HELLS: variants seen among roughly 807,000 people sequenced by gnomAD.
The protein encoded by HELLS is helicase, lymphoid specific.
A neutral mutation model predicts 120.0 loss-of-function variants in HELLS; 32 were observed. That is an observed-to-expected ratio of 0.27 (90% confidence interval 0.20 to 0.36). The LOEUF (loss-of-function observed/expected upper bound fraction) is 0.36, where lower values mean the gene tolerates loss of function less well. Among genes scored for constraint, HELLS ranks in the 10% least tolerant of loss-of-function variants. HELLS has a pLI of 1.00. For missense variants in HELLS, 650 were observed against 993.4 expected (o/e 0.65, Z 4.65); for synonymous variants, 341 against 323.4 (o/e 1.05, Z -0.58).
chr10:94,612,671 A>T (rs112794192), exon 10 of HELLS: 4,916 of 152,390 alleles, frequency 0.032, 114 homozygotes, highest in Middle Eastern at 0.14. Flanking sequence ...CATGCCTGTA[A>T]TCCCAGCATT....
chr10:94,582,177 G>A (rs1844902032), intron 11 of HELLS, among the ~76,000 whole-genome samples: 1 of 152,156 alleles, frequency 6.6e-6, no homozygotes, highest in African/African-American at 2.4e-5. Context: ...AGCTAATTGG[G>A]TGTGGAAAAA....
intron 12 of HELLS, among the ~76,000 whole-genome samples, chr10:94,586,095 T>C (rs1269267640): frequency 2.6e-5 from 4 of 151,940 alleles, no homozygotes; most frequent in Non-Finnish European, 5.9e-5. Context: ...CTTACAGACA[T>C]GGACATGTTT....
chr10:94,545,820 G>A lies in HELLS; in HGVS notation c.-102G>A. 18 of 1,335,344 alleles carry A rather than the reference G, an allele frequency of 1.3e-5. No homozygotes were observed. The highest frequency in any genetic ancestry group is 1.8e-5 in the Non-Finnish European group (17 of 949,620). 82.7% of individuals were successfully genotyped at this position (1,335,344 alleles called of 1,614,324 possible). ...AAGCGCGCTTTTTTCCCTGGCGGGGGATTTGGCTAGAAGGCTGGGCCGGCA... is the reference window on the plus strand; with the variant it reads ...AAGCGCGCTTTTTTCCCTGGCGGGGAATTTGGCTAGAAGGCTGGGCCGGCA... On this transcript the variant is annotated 5_prime_UTR_variant, in exon 1 of 22. Coordinates refer to ENST00000348459, the MANE Select transcript of HELLS (RefSeq NM_018063.5).
intron 9 of HELLS, among the ~76,000 whole-genome samples, chr10:94,575,883 C>T (rs1185547621): frequency 8.6e-5 from 13 of 151,580 alleles, no homozygotes; most frequent in African/African-American, 1.7e-4. Context: ...GTGCAACCTC[C>T]GCCTCCCGGG....
chr10:94,590,015 A>G (rs1377487050), intron 13 of HELLS, among the ~76,000 whole-genome samples: 1 of 152,100 alleles, frequency 6.6e-6, no homozygotes, highest in African/African-American at 2.4e-5. Flanking sequence ...ATTAATTATA[A>G]TTAAAGGAAG....
At chr10:94,575,876 C>T (rs545501061) in intron 9 of HELLS, among the ~76,000 whole-genome samples, 22 of 151,416 alleles carry the variant, frequency 1.5e-4, no homozygotes, top group African/African-American at 4.8e-4. Flanking sequence ...CGGCTCAGTG[C>T]AACCTCCGCC....
chr10:94,580,147 ATATATAT>A (rs1196526336), intron 10 of HELLS, among the ~76,000 whole-genome samples: 23 of 74,820 alleles, frequency 3.1e-4, no homozygotes, highest in African/African-American at 8.8e-4. Flanking sequence ...ATATATATAT[ATATATAT>A]ATATATATAC....
intron 6 of HELLS, among the ~76,000 whole-genome samples, chr10:94,564,183 T>G (rs977708300): frequency 4.6e-5 from 7 of 152,204 alleles, no homozygotes; most frequent in Non-Finnish European, 8.8e-5. Context: ...CTTGTGCTTG[T>G]TAAGTACCTA....
Position 94,588,404 on chromosome 10 carries a change from G to A in HELLS, c.1488+14G>A, listed in dbSNP as rs111813000. 5.3e-4 allele frequency: 818 copies of A among 1,528,990 alleles called. 2 individuals are homozygous for A. In the African/African-American group the frequency reaches 0.01, roughly 19 times the overall value. The allele number at this position is 1,528,990 out of a possible 1,614,324, so 94.7% of individuals were successfully genotyped here. ...GGATCCAGTGAGGTATAGTGGTTTTGAAATGTACTGTAAATGAAACTTGAC... is the reference window on the plus strand; with the variant it reads ...GGATCCAGTGAGGTATAGTGGTTTTAAAATGTACTGTAAATGAAACTTGAC... On this transcript the variant is annotated intron_variant, in intron 13 of 21. Coordinates refer to ENST00000348459, the MANE Select transcript of HELLS (RefSeq NM_018063.5).
intron 2 of HELLS, among the ~76,000 whole-genome samples, chr10:94,552,761 T>C (rs1009625769): frequency 3.3e-5 from 5 of 152,050 alleles, no homozygotes; most frequent in African/African-American, 1.2e-4. Flanking sequence ...CTCTTGAGTT[T>C]AGGAGTTGGA....
At chr10:94,573,082 C>T (rs1019357806) in intron 7 of HELLS, among the ~76,000 whole-genome samples, 4 of 152,132 alleles carry the variant, frequency 2.6e-5, no homozygotes, top group African/African-American at 9.7e-5. Flanking sequence ...GCCTCAGCCT[C>T]CCAAGTAGCT....
chr10:94,576,855 C>T, intron 10 of HELLS, 50 bp downstream of exon 10: 3 of 1,472,870 alleles, frequency 2.0e-6, no homozygotes, highest in African/African-American at 1.4e-5. Context: ...ACATGCTTTT[C>T]TTCATTTATA....
chr10:94,574,900 A>T (rs1445315077), intron 9 of HELLS, among the ~76,000 whole-genome samples, 164 bp downstream of exon 9: 1 of 152,182 alleles, frequency 6.6e-6, no homozygotes, highest in Non-Finnish European at 1.5e-5. Context: ...ATTTAAATTT[A>T]TATAGTATAG....
chr10:94,593,726 G>T, intron 18 of HELLS, 111 bp downstream of exon 18: 1 of 644,482 alleles, frequency 1.6e-6, no homozygotes, highest in South Asian at 1.7e-5. Flanking sequence ...GCAGTGGCAC[G>T]ATCTCGGCTC....
chr10:94,550,917 G>C (rs754391129), intron 2 of HELLS: 14 of 152,016 alleles, frequency 9.2e-5, no homozygotes, highest in Non-Finnish European at 4.4e-5. Flanking sequence ...TGCTAATTCT[G>C]TACAGGATTT....
At chr10:94,603,771 T>C (rs1235670293), downstream of HELLS, among the ~76,000 whole-genome samples, 1 of 152,204 alleles carries the variant, frequency 6.6e-6, no homozygotes, top group Non-Finnish European at 1.5e-5. Context: ...TTCTCTTCCT[T>C]CCCTCATATT....
chr10:94,550,005 C>G (rs780625783), intron 2 of HELLS, among the ~76,000 whole-genome samples: 9 of 152,280 alleles, frequency 5.9e-5, no homozygotes, highest in Admixed American at 2.0e-4. Flanking sequence ...ACTGCAACCT[C>G]TGCCTCCGGG....
Position 94,571,387 on chromosome 10 carries a change from G to A in HELLS, c.436-1G>A. 6.8e-7 allele frequency: 1 copy of A among 1,479,524 alleles called. No individual in the cohort carries two copies. The highest frequency in any genetic ancestry group is 9.3e-7 in the Non-Finnish European group (1 of 1,073,100). 91.6% of individuals were successfully genotyped at this position (1,479,524 alleles called of 1,614,324 possible). On this transcript the variant is annotated splice_acceptor_variant, in intron 6 of 21. Coordinates refer to ENST00000348459, the MANE Select transcript of HELLS (RefSeq NM_018063.5). LOFTEE classifies it high-confidence loss of function. Reference sequence around the variant, plus strand: ...TTGTTTTTGTTTTCTCAAACTACTAGGAAATTTTGTCTGTGGCTAAAAAAA... The same window carrying A: ...TTGTTTTTGTTTTCTCAAACTACTAAGAAATTTTGTCTGTGGCTAAAAAAA...
At chr10:94,591,914 T>C (rs997457090) in intron 15 of HELLS, among the ~76,000 whole-genome samples, 7 of 152,238 alleles carry the variant, frequency 4.6e-5, no homozygotes, top group East Asian at 3.8e-4. Flanking sequence ...AACTCACTTA[T>C]AAAGAATAAG....
Sources: allele counts gnomAD v4.1 joint callset (sites outside exome capture counted in the v4.1 genomes callset), GRCh38; gene constraint gnomAD v4.1.1; transcripts MANE v1.5; gene names NCBI Gene and HGNC (gene_info 2026-07-23, HGNC 2026-07-21).